Variants in ERBB4 observed in about 807,000 individuals in gnomAD.
The protein encoded by ERBB4 is receptor tyrosine-protein kinase erbB-4.
In ERBB4, 42 loss-of-function variants were observed where a neutral mutation model predicts 158.0. The observed-to-expected ratio is 0.27, with a 90% CI of 0.21 to 0.34. ERBB4 has a LOEUF of 0.34. Ranked by LOEUF, ERBB4 falls within the 10% of genes least tolerant of loss-of-function variation. The pLI is 1.00. For synonymous variants in ERBB4, 583 were observed against 558.7 expected (o/e 1.04, Z -0.61); for missense variants, 1,333 against 1,624.1 (o/e 0.82, Z 3.08).
At chr2:211,791,514 TA>T (rs11348544) in intron 3 of ERBB4, among the ~76,000 whole-genome samples, 30,825 of 149,654 alleles carry the variant, frequency 0.21, 3,696 homozygotes, top group Non-Finnish European at 0.28. Flanking sequence ...GTGCAGAAGC[TA>T]AAAAAAAAAT....
intron 1 of ERBB4, among the ~76,000 whole-genome samples, chr2:212,427,328 A>G (rs1313817467): frequency 1.3e-5 from 2 of 152,132 alleles, no homozygotes; most frequent in Non-Finnish European, 2.9e-5. Context: ...ATGACAGTTT[A>G]TCATATTGTC....
chr2:211,808,884 T>C (rs2076682761), intron 3 of ERBB4, among the ~76,000 whole-genome samples: 2 of 152,264 alleles, frequency 1.3e-5, no homozygotes, highest in South Asian at 4.1e-4. Context: ...ATTCTCTTTG[T>C]AGCAATTGTG....
At chr2:211,683,867 CTT>C (rs1407872491) in intron 12 of ERBB4, among the ~76,000 whole-genome samples, 4 of 151,518 alleles carry the variant, frequency 2.6e-5, no homozygotes, top group Middle Eastern at 3.5e-3. Context: ...TTTCATTACT[CTT>C]TTTATTTTAG....
Position 211,586,921 on chromosome 2 carries a change from A to G in ERBB4, c.2302-24833T>C, listed in dbSNP as rs867416985. 1.8e-4 allele frequency among the ~76,000 whole-genome samples: 28 copies of G among 152,282 alleles called. No homozygotes were observed. In the South Asian group the frequency reaches 2.9e-3, roughly 16 times the overall value. On this transcript the variant is annotated intron_variant, in intron 19 of 27. Coordinates refer to ENST00000342788, the MANE Select transcript of ERBB4 (RefSeq NM_005235.3). ...AAATGATGTCTCCCAAGAAAAATATATATTGAAGTCCTAACATCCAGTACC... is the reference window on the plus strand; with the variant it reads ...AAATGATGTCTCCCAAGAAAAATATGTATTGAAGTCCTAACATCCAGTACC...
intron 1 of ERBB4, among the ~76,000 whole-genome samples, chr2:212,234,307 T>C (rs2083773717): frequency 6.6e-6 from 1 of 152,168 alleles, no homozygotes; most frequent in African/African-American, 2.4e-5. Flanking sequence ...GCAAAGGACA[T>C]GAACTCATCC....
chr2:211,489,510 A>C (rs1021384866), intron 20 of ERBB4, among the ~76,000 whole-genome samples: 2 of 151,994 alleles, frequency 1.3e-5, no homozygotes, highest in Non-Finnish European at 2.9e-5. Flanking sequence ...TTATTATAAA[A>C]ATATGGTTGT....
At chr2:211,617,456 C>T (rs532729845) in intron 19 of ERBB4, among the ~76,000 whole-genome samples, 31 of 152,138 alleles carry the variant, frequency 2.0e-4, no homozygotes, top group African/African-American at 6.0e-4. Flanking sequence ...GTAGCAGTGG[C>T]GTGTCAGAAA....
At chr2:211,389,239 G>T (rs2062751152) in intron 25 of ERBB4, among the ~76,000 whole-genome samples, 1 of 152,148 alleles carries the variant, frequency 6.6e-6, no homozygotes, top group Admixed American at 6.5e-5. Flanking sequence ...GTTTCACCAT[G>T]TTAGCCAGGA....
intron 2 of ERBB4, among the ~76,000 whole-genome samples, chr2:212,055,592 C>G (rs896686178): frequency 2.0e-5 from 3 of 152,210 alleles, no homozygotes; most frequent in South Asian, 2.1e-4. Flanking sequence ...TCCAGGGGAA[C>G]AATCAGGCAG....
intron 1 of ERBB4, among the ~76,000 whole-genome samples, chr2:212,421,406 A>G (rs1276811281): frequency 6.6e-6 from 1 of 152,150 alleles, no homozygotes; most frequent in African/African-American, 2.4e-5. Context: ...CTGCATACAT[A>G]TATTGAACCA....
chr2:212,471,176 C>A (rs1190702931), intron 1 of ERBB4, among the ~76,000 whole-genome samples: 2 of 152,132 alleles, frequency 1.3e-5, no homozygotes, highest in East Asian at 1.9e-4. Context: ...TTGTCTGTAA[C>A]AGTAACCTTC....
intron 2 of ERBB4, among the ~76,000 whole-genome samples, chr2:212,054,732 T>C (rs893445081): frequency 1.3e-5 from 2 of 152,132 alleles, no homozygotes; most frequent in Non-Finnish European, 2.9e-5. Flanking sequence ...TTCTGGAAGA[T>C]GCTGGCTGCC....
Position 211,905,748 on chromosome 2 carries a change from A to G in ERBB4, c.421+41682T>C, listed in dbSNP as rs758103055. Among the ~76,000 whole-genome samples the G allele has an allele frequency of 3.5e-4, 38 of 107,856 alleles. 1 individual carries two copies. The highest frequency in any genetic ancestry group is 1.0e-3 in the South Asian group (4 of 3,830). The allele number at this position is 107,856 out of a possible 152,430, so 70.8% of individuals were successfully genotyped here. On this transcript the variant is annotated intron_variant, in intron 3 of 27. Coordinates refer to ENST00000342788, the MANE Select transcript of ERBB4 (RefSeq NM_005235.3). Reference sequence around the variant, plus strand: ...TGTATGTGTGTGCATGTGTGTGTATATATATATATATATATACTATTATGT... The same window carrying G: ...TGTATGTGTGTGCATGTGTGTGTATGTATATATATATATATACTATTATGT...
intron 16 of ERBB4, 84 bp from the exon 17 acceptor site, chr2:211,630,678 C>T: frequency 8.5e-7 from 1 of 1,179,538 alleles, no homozygotes; most frequent in South Asian, 1.3e-5. Flanking sequence ...TTGTACAAGA[C>T]ATTATCCACA....
At position 211,740,622 on chromosome 2, in the gene ERBB4, C is replaced by CTTTTTTT. The variant is rs1169540948; in HGVS notation, c.622+10010_622+10016dup. ...TTACTTAATTATTTCTTTTCTTTGT[C>CTTTTTTT]TTTTTTTTTTTTTTTTTTTTTTTGA... On this transcript the variant is annotated intron_variant, in intron 5 of 27. Coordinates refer to ENST00000342788, the MANE Select transcript of ERBB4 (RefSeq NM_005235.3). Among the ~76,000 whole-genome samples, 470 of 90,192 alleles carry CTTTTTTT rather than the reference C, an allele frequency of 5.2e-3. 1 individual carries two copies. The highest frequency in any genetic ancestry group is 7.1e-3 in the Non-Finnish European group (355 of 49,988). 59.2% of individuals were successfully genotyped at this position (90,192 alleles called of 152,430 possible). A position where few individuals can be genotyped will look rare whatever the true frequency, so the allele number is the denominator to read the frequency against.
At chr2:211,807,670 T>G (rs1363723344) in intron 3 of ERBB4, among the ~76,000 whole-genome samples, 6 of 152,170 alleles carry the variant, frequency 3.9e-5, no homozygotes, top group Non-Finnish European at 7.3e-5. Context: ...ATAATGGGAT[T>G]GTTGGGTCAA....
At chr2:211,550,647 T>G (rs114278080) in intron 20 of ERBB4, among the ~76,000 whole-genome samples, 19,574 of 143,270 alleles carry the variant, frequency 0.14, 2,659 homozygotes, top group African/African-American at 0.36. Context: ...ATGAATATAC[T>G]TAGGAATATA....
chr2:211,759,881 T>G (rs572715565), intron 4 of ERBB4, among the ~76,000 whole-genome samples: 1 of 152,072 alleles, frequency 6.6e-6, no homozygotes, highest in South Asian at 2.1e-4. Context: ...AGTTTTGTCA[T>G]CTGCTATTTT....
intron 1 of ERBB4, among the ~76,000 whole-genome samples, chr2:212,126,552 A>G (rs576512937): frequency 1.1e-4 from 16 of 152,052 alleles, no homozygotes; most frequent in South Asian, 8.3e-4. Flanking sequence ...CTGCCAGAAC[A>G]CAATCTTCAC....
Sources: allele counts gnomAD v4.1 joint callset (sites outside exome capture counted in the v4.1 genomes callset), GRCh38; gene constraint gnomAD v4.1.1; transcripts MANE v1.5; gene names NCBI Gene and HGNC (gene_info 2026-07-23, HGNC 2026-07-21).